Variants in STAG2 observed in about 807,000 individuals in gnomAD.
The protein encoded by STAG2 is cohesin subunit SA-2.
Under a neutral mutation model 108.1 loss-of-function variants are expected in STAG2, and 14 were observed. The ratio of observed to expected loss-of-function variants is 0.13; its 90% CI spans 0.09 to 0.20. STAG2 has a LOEUF of 0.20. Ranked by LOEUF, STAG2 falls within the 10% of genes least tolerant of loss-of-function variation. STAG2 has a pLI of 1.00. For missense variants in STAG2, 440 were observed against 940.9 expected (o/e 0.47, Z 6.96); for synonymous variants, 307 against 302.7 (o/e 1.01, Z -0.15).
intron 1 of STAG2, among the ~76,000 whole-genome samples, chrX:124,006,434 CTA>C (rs1353427463): frequency 2.6e-5 from 2 of 76,047 alleles, no homozygotes; most frequent in Non-Finnish European, 4.8e-5. Flanking sequence ...GGTGTTGTCA[CTA>C]TTTTTTTTTT....
intron 1 of STAG2, among the ~76,000 whole-genome samples, chrX:123,974,136 C>T (rs749404211): frequency 1.8e-5 from 2 of 111,193 alleles, no homozygotes; most frequent in Non-Finnish European, 3.8e-5. Flanking sequence ...ACAAGCAGAA[C>T]AACCGAGGGC....
chrX:124,028,971 T>A (rs1231554076), intron 4 of STAG2, among the ~76,000 whole-genome samples: 1 of 89,053 alleles, frequency 1.1e-5, no homozygotes, highest in Non-Finnish European at 2.1e-5. Context: ...ATTTATTTAT[T>A]TATTTATTTT....
intron 1 of STAG2, among the ~76,000 whole-genome samples, chrX:123,973,465 C>T (rs1216493615): frequency 1.9e-5 from 2 of 104,949 alleles, no homozygotes; most frequent in Non-Finnish European, 3.9e-5. Context: ...TTGCTTGAAC[C>T]CGGGAGGCTG....
rs138808751 is a variant in STAG2, at chrX:124,055,180, T to C, written c.1197-948T>C. ...TTTTGAAACTTGAATTTTAACAATT[T>C]AGTTCTTTTTCTCTCAAAAAGAAGT... On this transcript the variant is annotated intron_variant, in intron 13 of 34. Coordinates refer to ENST00000371145, the MANE Select transcript of STAG2 (RefSeq NM_001042750.2). Among the ~76,000 whole-genome samples the C allele has an allele frequency of 1.8e-3, 201 of 112,562 alleles. 3 individuals carry two copies. In the East Asian group the frequency reaches 0.047, roughly 26 times the overall value.
At chrX:123,998,653 C>T (rs1044117134) in intron 1 of STAG2, among the ~76,000 whole-genome samples, 4 of 109,175 alleles carry the variant, frequency 3.7e-5, no homozygotes, top group Non-Finnish European at 5.7e-5. Flanking sequence ...TGATGGCCTT[C>T]GTAATAGATA....
At chrX:123,971,106 C>T (rs760683641) in intron 1 of STAG2, among the ~76,000 whole-genome samples, 1 of 111,770 alleles carries the variant, frequency 8.9e-6, no homozygotes, top group South Asian at 3.7e-4. Flanking sequence ...AATAACTTGC[C>T]CACTTAGTAA....
chrX:124,049,605 T>C (rs887934232), intron 10 of STAG2, among the ~76,000 whole-genome samples: 4 of 112,288 alleles, frequency 3.6e-5, no homozygotes, highest in Admixed American at 2.8e-4. Context: ...ATGCTTACTT[T>C]TTGTAATGTC....
intron 1 of STAG2, among the ~76,000 whole-genome samples, chrX:123,991,648 C>T (rs1010230165): frequency 2.8e-5 from 3 of 108,250 alleles, no homozygotes; most frequent in Non-Finnish European, 5.8e-5. Flanking sequence ...CCACCATGCC[C>T]GGCCCAACAA....
At chrX:124,032,182 T>C (rs1202523817) in intron 5 of STAG2, among the ~76,000 whole-genome samples, 1 of 112,367 alleles carries the variant, frequency 8.9e-6, no homozygotes, top group African/African-American at 3.2e-5. Context: ...GAATTCCTGG[T>C]TGAGTGACCT....
chrX:124,050,365 C>T, intron 11 of STAG2, 56 bp downstream of exon 11: 2 of 1,125,216 alleles, frequency 1.8e-6, no homozygotes, highest in Admixed American at 2.6e-5. Context: ...CTGTCTGCAC[C>T]TCTCATTCAT....
chrX:124,085,688 T>A (rs984234377), intron 29 of STAG2, among the ~76,000 whole-genome samples: 1 of 100,591 alleles, frequency 9.9e-6, no homozygotes, highest in Admixed American at 1.2e-4. Context: ...GGCAGGAGAA[T>A]CGCTTGAACC....
Position 123,997,405 on chromosome X carries a change from A to G in STAG2, c.-162-23962A>G, listed in dbSNP as rs190980067. Among the ~76,000 whole-genome samples the G allele has an allele frequency of 1.3e-3, 142 of 111,701 alleles. 1 individual carries two copies. Among genetic ancestry groups the G allele is most frequent in the African/African-American group, 4.1e-3 (126 of 30,750 alleles). The stretch of plus-strand genomic sequence containing the variant: ...GCAACTATCGCTACCATCTGTTTCT[A>G]GCAACTTAAAAAATTTTCCCAAACT... On this transcript the variant is annotated intron_variant, in intron 1 of 34. Transcript: ENST00000371145.
intron 32 of STAG2, among the ~76,000 whole-genome samples, chrX:124,093,756 G>T (rs2059314698): frequency 9.0e-6 from 1 of 111,364 alleles, no homozygotes; most frequent in Non-Finnish European, 1.9e-5. Flanking sequence ...AATTCTCATT[G>T]AACCTTGTAT....
At chrX:124,057,378 T>G (rs923144155) in intron 14 of STAG2, among the ~76,000 whole-genome samples, 1 of 112,305 alleles carries the variant, frequency 8.9e-6, no homozygotes, top group Non-Finnish European at 1.9e-5. Context: ...TTTCTATTCA[T>G]TGCTGTTTAG....
At chrX:124,029,960 G>A (rs549071875) in intron 4 of STAG2, among the ~76,000 whole-genome samples, 4 of 110,021 alleles carry the variant, frequency 3.6e-5, no homozygotes, top group South Asian at 7.7e-4. Context: ...GCCCCTACCC[G>A]CGCGTCCCCA....
chrX:123,994,039 A>G (rs1219693003), intron 1 of STAG2, among the ~76,000 whole-genome samples: 1 of 111,771 alleles, frequency 8.9e-6, no homozygotes, highest in African/African-American at 3.2e-5. Context: ...TTTATAAACA[A>G]AAGAGGTTTT....
intron 9 of STAG2, among the ~76,000 whole-genome samples, chrX:124,048,759 G>A (rs746035207): frequency 1.7e-3 from 189 of 111,360 alleles, no homozygotes; most frequent in Non-Finnish European, 2.8e-3. Context: ...GGAAATTTAT[G>A]AGCATTAGAA....
upstream of STAG2, chrX:123,960,602 CAAAAAAAAAAAAAAAAAAAAAAAA>C (rs1208693829): frequency 7.1e-4 from 5 of 7,012 alleles, no homozygotes; most frequent in African/African-American, 1.1e-3. Flanking sequence ...GAAGCGCCAC[CAAAAAAAAAAAAAAAAAAAAAAAA>C]AAAAAAAAAA....
chrX:124,050,158 AT>A (rs1417390687), intron 10 of STAG2, 27 bp from the exon 11 acceptor site: 11 of 1,201,894 alleles, frequency 9.2e-6, no homozygotes, highest in Middle Eastern at 2.3e-4. Context: ...GGCACTAATT[AT>A]GCATCGTTTT....
Sources: gnomAD v4.1 joint callset for allele counts (sites outside exome capture counted in the v4.1 genomes callset) on GRCh38, gnomAD v4.1.1 for gene constraint, MANE v1.5 for transcripts, NCBI Gene and HGNC (gene_info 2026-07-23, HGNC 2026-07-21) for gene names.